LINGO1: variants seen among roughly 807,000 people sequenced by gnomAD.
LINGO1 encodes the protein leucine-rich repeat and immunoglobulin-like domain-containing nogo receptor-interacting protein 1.
LINGO1 carries 11 observed loss-of-function variants against 37.3 expected under a neutral mutation model. That is an observed-to-expected ratio of 0.29 (90% CI 0.19 to 0.49). LINGO1 has a LOEUF of 0.49. Among genes scored for constraint, LINGO1 ranks in the 20% least tolerant of loss-of-function variants. LINGO1 has a pLI of 0.99. For missense variants in LINGO1, 585 were observed against 878.2 expected (o/e 0.67, Z 4.22); for synonymous variants, 387 against 403.0 (o/e 0.96, Z 0.48).
At chr15:77,724,483 C>T (rs561358057) in intron 2 of LINGO1, among the ~76,000 whole-genome samples, 4 of 152,202 alleles carry the variant, frequency 2.6e-5, no homozygotes, top group African/African-American at 7.2e-5. Flanking sequence ...CAGCTGCGCC[C>T]GTCTGTGTCC....
rs549747680 is a variant in LINGO1, at chr15:77,801,207, C to T, written c.-457-5154G>A. On this transcript the variant is annotated intron_variant, in intron 1 of 5. Transcript: ENST00000562933. The stretch of plus-strand genomic sequence containing the variant: ...TAGCACAAGCATTCATGTATACATG[C>T]TCAAGGATGCTCACGGAAACATTGC... Among the ~76,000 whole-genome samples, 118 of 152,316 alleles carry T rather than the reference C, an allele frequency of 7.7e-4. 1 individual carries two copies. The highest frequency in any genetic ancestry group is 2.7e-3 in the African/African-American group (111 of 41,552).
intron 2 of LINGO1, among the ~76,000 whole-genome samples, chr15:77,686,977 A>T (rs964835288): frequency 2.6e-5 from 4 of 152,146 alleles, no homozygotes; most frequent in Admixed American, 2.6e-4. Flanking sequence ...GAGACAGCAG[A>T]CTTGGCAGTG....
chr15:77,767,786 C>T (rs745679560), intron 1 of LINGO1, among the ~76,000 whole-genome samples: 11 of 152,136 alleles, frequency 7.2e-5, no homozygotes, highest in Admixed American at 5.2e-4. Context: ...CAGGGAAAAC[C>T]GAGTTGTGAA....
At chr15:77,733,089 G>A (rs1329051656) in intron 2 of LINGO1, among the ~76,000 whole-genome samples, 9 of 152,076 alleles carry the variant, frequency 5.9e-5, no homozygotes, top group Admixed American at 4.6e-4. Context: ...CCCTCTCAGC[G>A]TGCAGCAGCC....
In LINGO1 at chr15:77,614,001, C is replaced by G; in HGVS notation, c.*43G>C. ...TGAGCAGGTGGCGGCCAGGCCCCTT[C>G]CCCTGCCCGGCCGCCCGGGGGTCCC... On this transcript the variant is annotated 3_prime_UTR_variant, in exon 2 of 2. Coordinates refer to ENST00000355300, the MANE Select transcript of LINGO1 (RefSeq NM_032808.7). The G allele has an allele frequency of 2.0e-6, 3 of 1,502,270 alleles. No homozygotes were observed. The allele number at this position is 1,502,270 out of a possible 1,614,324, so 93.1% of individuals were successfully genotyped here. A position where few individuals can be genotyped will look rare whatever the true frequency, so the allele number is the denominator to read the frequency against.
intron 3 of LINGO1, among the ~76,000 whole-genome samples, chr15:77,668,377 T>G (rs2075178376): frequency 6.6e-6 from 1 of 152,184 alleles, no homozygotes; most frequent in Admixed American, 6.5e-5. Flanking sequence ...GTTGGTCTGG[T>G]GTCTCTGAGC....
intron 2 of LINGO1, among the ~76,000 whole-genome samples, chr15:77,734,070 G>T (rs1017640363): frequency 3.9e-5 from 6 of 152,166 alleles, no homozygotes; most frequent in African/African-American, 1.4e-4. Context: ...CCCGATCTCA[G>T]TTAACCCCTG....
chr15:77,615,129 G>A lies in LINGO1; in HGVS notation c.778C>T (p.Leu260Phe). 6.2e-7 allele frequency: 1 copy of A among 1,614,036 alleles called. No individual in the cohort carries two copies. The highest frequency in any genetic ancestry group is 8.5e-7 in the Non-Finnish European group (1 of 1,179,898). ...AGGGACGTCAGGTTGAGGCCGTAGA[G>A]GCAGTTGGGTGTCATGGTGTCCAAG... The part of the protein sequence containing the change: ...PYLDTMTPNC[L>F]YGLNLTSLSI... The change falls in exon 2 of 2, where the codon CTC becomes TTC. Residue 260 changes from leucine (L) to phenylalanine (F), a missense_variant. Physicochemically the swap from Leu to Phe is conservative, Grantham distance 22. This residue lies in a region of LINGO1 where 484 missense variants were observed against 735.0 expected (regional missense o/e 0.66). Coordinates refer to ENST00000355300, the MANE Select transcript of LINGO1 (RefSeq NM_032808.7).
intron 1 of LINGO1, among the ~76,000 whole-genome samples, chr15:77,744,955 T>TAA (rs34589855): frequency 0.015 from 2,064 of 141,966 alleles, 55 homozygotes; most frequent in African/African-American, 0.051. Flanking sequence ...ATCTCTACTT[T>TAA]AAAAAAAAAA....
chr15:77,631,201 G>A (rs1567470626), intron 1 of LINGO1, among the ~76,000 whole-genome samples: 1 of 152,232 alleles, frequency 6.6e-6, no homozygotes, highest in African/African-American at 2.4e-5. Flanking sequence ...CCGCGGGCCA[G>A]GCTGGGCTAT....
At chr15:77,775,918 T>TC (rs985608884) in intron 1 of LINGO1, among the ~76,000 whole-genome samples, 1 of 151,504 alleles carries the variant, frequency 6.6e-6, no homozygotes, top group Non-Finnish European at 1.5e-5. Context: ...TCCGTCAGCA[T>TC]CCCCCCCATG....
chr15:77,755,443 T>C (rs2076409933), intron 1 of LINGO1, among the ~76,000 whole-genome samples: 1 of 152,222 alleles, frequency 6.6e-6, no homozygotes. Flanking sequence ...AGACCTGGAA[T>C]TGAATCCTAG....
At chr15:77,788,408 C>G (rs978939882), upstream of LINGO1, 1 of 152,224 alleles carries the variant, frequency 6.6e-6, no homozygotes, top group Admixed American at 6.5e-5. Context: ...AGTTGGCTGA[C>G]GAAGAGACTG....
chr15:77,659,332 C>T (rs1047468344), intron 3 of LINGO1, among the ~76,000 whole-genome samples: 8 of 151,442 alleles, frequency 5.3e-5, no homozygotes, highest in African/African-American at 1.9e-4. Context: ...AATGCCACCT[C>T]TTCTAAGAAG....
chr15:77,790,974 C>T (rs773765889), upstream of LINGO1, among the ~76,000 whole-genome samples: 18 of 152,308 alleles, frequency 1.2e-4, no homozygotes, highest in South Asian at 2.3e-3. Context: ...TGGGTTCCAA[C>T]CTGGCTGACC....
chr15:77,624,081 G>A (rs961212850), intron 1 of LINGO1, among the ~76,000 whole-genome samples: 1 of 149,980 alleles, frequency 6.7e-6, no homozygotes, highest in Admixed American at 6.6e-5. Flanking sequence ...TGGCCTCTGT[G>A]TGTGTCTGTG....
intron 1 of LINGO1, among the ~76,000 whole-genome samples, chr15:77,818,516 GC>G (rs2077066922): frequency 6.6e-6 from 1 of 152,210 alleles, no homozygotes; most frequent in Non-Finnish European, 1.5e-5. Flanking sequence ...ACCTGGAGAC[GC>G]CCCCGGCCTC....
intron 2 of LINGO1, among the ~76,000 whole-genome samples, chr15:77,729,343 A>C (rs2076132897): frequency 6.6e-6 from 1 of 152,232 alleles, no homozygotes; most frequent in Non-Finnish European, 1.5e-5. Context: ...ATGAGGAGAC[A>C]CTGAGGGTCC....
chr15:77,735,472 C>A (rs1333966894), intron 1 of LINGO1, among the ~76,000 whole-genome samples: 1 of 152,214 alleles, frequency 6.6e-6, no homozygotes, highest in African/African-American at 2.4e-5. Context: ...TCCCAAGGAG[C>A]ACAGAGGAGC....
Sources: gnomAD v4.1 joint callset for allele counts (sites outside exome capture counted in the v4.1 genomes callset) on GRCh38, gnomAD v4.1.1 for gene constraint, gnomAD v4.1.1 regional missense constraint, MANE v1.5 for transcripts, NCBI Gene and HGNC (gene_info 2026-07-23, HGNC 2026-07-21) for gene names.